Variants in AARS2 observed in about 807,000 individuals in gnomAD.
AARS2 encodes the protein alanyl-tRNA synthetase 2, mitochondrial, also known as alanine--tRNA ligase, mitochondrial.
In AARS2, 78 loss-of-function variants were observed where a neutral mutation model predicts 119.7. The observed-to-expected ratio is 0.65, with a 90% CI of 0.54 to 0.79. AARS2 has a LOEUF of 0.79. Ranked by LOEUF, AARS2 falls within the 30% of genes least tolerant of loss-of-function variation. The pLI is 0.00. For synonymous variants in AARS2, 502 were observed against 526.3 expected, an observed-to-expected ratio of 0.95 and a Z score of 0.63; for missense variants, 1,157 against 1,291.3, an observed-to-expected ratio of 0.90 and a Z score of 1.59.
chr6:44,310,532 G>A, intron 4 of AARS2, 89 bp from the exon 5 acceptor site: 2 of 1,535,172 alleles, frequency 1.3e-6, no homozygotes, highest in South Asian at 1.1e-5. Context: ...ATGGGGGGGG[G>A]CCCAAGGGAG....
At chr6:44,310,930 C>T in intron 4 of AARS2, 64 bp downstream of exon 4, 1 of 1,604,038 alleles carries the variant, frequency 6.2e-7, no homozygotes, top group African/African-American at 1.3e-5. Flanking sequence ...AGATCAAAGT[C>T]TTCTAATTGC....
rs895323869 is a variant in AARS2 at position 44,310,901 on chromosome 6, G to A, written c.749+93C>T. The A allele has an allele frequency of 2.0e-6, 3 of 1,524,394 alleles. No individual in the cohort carries two copies. The African/African-American group carries it at 4.1e-5, about 21-fold the overall frequency. The allele number at this position is 1,524,394 out of a possible 1,614,324, so 94.4% of individuals were successfully genotyped here. A position where few individuals can be genotyped will look rare whatever the true frequency, so the allele number is the denominator to read the frequency against. ...GACACACGGTAAGCACCGTTTACAT[G>A]TTTGTTTTTATATGAAACAGATCAA... On this transcript the variant is annotated intron_variant, in intron 4 of 21. Transcript: ENST00000244571.
rs1314138353 is a variant in AARS2, at chr6:44,300,900, T to C, written c.2794-189A>G. The C allele has an allele frequency of 7.8e-6, 6 of 770,314 alleles. No individual in the cohort carries two copies. The East Asian group carries it at 1.6e-4, about 21-fold the overall frequency. The allele number at this position is 770,314 out of a possible 1,614,324, so 47.7% of individuals were successfully genotyped here. A position where few individuals can be genotyped will look rare whatever the true frequency, so the allele number is the denominator to read the frequency against. On this transcript the variant is annotated intron_variant, in intron 21 of 21. Transcript: ENST00000244571. Reference sequence around the variant, plus strand: ...ATGTGTGTGGGGAGGTGTATGAACGTGAACATCTGCTACTTGTTTACAAGG... The same window carrying C: ...ATGTGTGTGGGGAGGTGTATGAACGCGAACATCTGCTACTTGTTTACAAGG...
chr6:44,300,286 TA>T lies in AARS2; in HGVS notation c.*260del. 1 of 549,702 alleles carries T rather than the reference TA, an allele frequency of 1.8e-6. No homozygotes were observed. The highest frequency in any genetic ancestry group is 3.3e-6 in the Non-Finnish European group (1 of 306,402). 34.1% of individuals were successfully genotyped at this position (549,702 alleles called of 1,614,324 possible). On this transcript the variant is annotated 3_prime_UTR_variant, in exon 22 of 22. Coordinates refer to ENST00000244571, the MANE Select transcript of AARS2 (RefSeq NM_020745.4). ...GAACCACCACACCCGGCCAGTGAAA[TA>T]ATTTCTAATGTGCAGTCACAGCCAT... is the stretch of plus-strand genomic sequence containing the variant.
chr6:44,308,784 TAG>T (rs1786093487), intron 5 of AARS2, among the ~76,000 whole-genome samples: 1 of 151,986 alleles, frequency 6.6e-6, no homozygotes, highest in South Asian at 2.1e-4. Context: ...ATTTTTTTAG[TAG>T]AGACAGGATT....
chr6:44,306,887 G>T (rs377113239), intron 7 of AARS2, 36 bp downstream of exon 7: 1 of 1,598,546 alleles, frequency 6.3e-7, no homozygotes, highest in African/African-American at 1.3e-5. Context: ...AAAGTGCCCA[G>T]GGAGGCCCAG....
chr6:44,302,443 C>A lies in AARS2; in HGVS notation c.2435G>T (p.Arg812Leu), dbSNP rs777864781. The stretch of plus-strand genomic sequence containing the variant: ...CAGCCTCAGTGCCTCCGCCACATCC[C>A]GGCTCCCCAGACTCAGCCGCTCAGT... ...AATERLSLGS[R>L]DVAEALRLSK... Residue 812 changes from arginine to leucine, a missense_variant, in exon 18 of 22, where the codon CGG becomes CTG. Physicochemically the swap from Arg to Leu is moderately radical, Grantham distance 102. Coordinates refer to ENST00000244571, the MANE Select transcript of AARS2 (RefSeq NM_020745.4). 4 of 1,614,070 alleles carry A rather than the reference C, an allele frequency of 2.5e-6. No individual in the cohort carries two copies. The South Asian group carries it at 3.3e-5, about 13-fold the overall frequency.
In AARS2 at chr6:44,313,102, A is replaced by C; in HGVS notation, c.222T>G (p.Phe74Leu). ...TCACCTGGTTCATGCCCGCATTGAC[A>C]AAAAGCAAACTGGGGTCGCCGCGGG... is the stretch of plus-strand genomic sequence containing the variant. Reference protein sequence around the residue: ...VRPRGDPSLLFVNAGMNQFKP... With the variant: ...VRPRGDPSLLLVNAGMNQFKP... The change falls in exon 1 of 22, where the codon TTT (phenylalanine) becomes TTG (leucine). Residue 74 changes from phenylalanine to leucine, a missense_variant. Physicochemically the swap from Phe to Leu is conservative, Grantham distance 22. Coordinates refer to ENST00000244571, the MANE Select transcript of AARS2 (RefSeq NM_020745.4). 1.9e-6 allele frequency: 3 copies of C among 1,613,596 alleles called. No individual in the cohort carries two copies. The South Asian group carries it at 3.3e-5, about 18-fold the overall frequency.
chr6:44,309,152 C>G (rs1020949293), intron 5 of AARS2, among the ~76,000 whole-genome samples: 1 of 152,228 alleles, frequency 6.6e-6, no homozygotes, highest in Admixed American at 6.5e-5. Flanking sequence ...CAACACTGTT[C>G]TGAGCCTATG....
Position 44,302,533 on chromosome 6 carries a change from G to A in AARS2, c.2365-20C>T. ...TCGGGCCTGCAGGGAGGGGACAGGA[G>A]GGTCAGGATTACATTCATCTCCCCA... On this transcript the variant is annotated intron_variant, in intron 17 of 21. Transcript: ENST00000244571. 6.2e-7 allele frequency: 1 copy of A among 1,613,874 alleles called. No individual in the cohort carries two copies. Among genetic ancestry groups the A allele is most frequent in the Non-Finnish European group, 8.5e-7 (1 of 1,180,010 alleles).
intron 16 of AARS2, 42 bp from the exon 17 acceptor site, chr6:44,302,952 T>C (rs1181566383): frequency 6.2e-7 from 1 of 1,605,508 alleles, no homozygotes; most frequent in Non-Finnish European, 8.5e-7. Flanking sequence ...GGCATGACAG[T>C]AGAGAAGGGA....
Position 44,299,412 on chromosome 6 carries a change from G to A in AARS2, c.*1135C>T, listed in dbSNP as rs1445280225. On this transcript the variant is annotated 3_prime_UTR_variant, in exon 22 of 22. Transcript: ENST00000244571. ...AGGTGTGGGTAGTCTCAGCTACCTG[G>A]GAGGCTGAGGCATAAAGATTACTTT... Among the ~76,000 whole-genome samples the A allele has an allele frequency of 6.6e-6, 1 of 151,886 alleles. No individual in the cohort carries two copies. The highest frequency in any genetic ancestry group is 1.5e-5 in the Non-Finnish European group (1 of 67,978).
At position 44,307,044 on chromosome 6, in the gene AARS2, A is replaced by G. The variant is rs1785918157; in HGVS notation, c.1041-13T>C. 1 of 1,613,852 alleles carries G rather than the reference A, an allele frequency of 6.2e-7. No homozygotes were observed. Among genetic ancestry groups the G allele is most frequent in the East Asian group, 2.2e-5 (1 of 44,876 alleles). On this transcript the variant is annotated splice_polypyrimidine_tract_variant and intron_variant, in intron 6 of 21. Transcript: ENST00000244571. This position sits in a 1 kb window ranked among gnomAD's most constrained non-coding sequence, Gnocchi z 4.4. ...ACGAAGAACCAGCCTAAAGGGGTTC[A>G]GAGCCCAGACATGAATCCCCAGCGG...
At chr6:44,304,950 G>A (rs1785705361) in intron 11 of AARS2, 104 bp downstream of exon 11, 2 of 1,608,076 alleles carry the variant, frequency 1.2e-6, no homozygotes, top group African/African-American at 2.7e-5. Context: ...ACCCCTGGTG[G>A]CCATCCTGGG....
At position 44,302,402 on chromosome 6, in the gene AARS2, G is replaced by C; in HGVS notation, c.2476C>G (p.Arg826Gly). The C allele has an allele frequency of 1.9e-6, 3 of 1,614,102 alleles. No homozygotes were observed. Among genetic ancestry groups the C allele is most frequent in the Non-Finnish European group, 2.5e-6 (3 of 1,180,012 alleles). The change falls in exon 18 of 22, where the codon CGA becomes GGA. Residue 826 changes from arginine (R) to glycine (G), a missense_variant. Transcript: ENST00000244571. ...EALRLSKDIG[R>G]LIEAVETAVM... is the part of the protein sequence containing the mutation. ...GGCGTGGCCCTCACTTCAATGAGTC[G>C]TCCTATGTCCTTGGACAGCCTCAGT...
At position 44,301,469 on chromosome 6, in the gene AARS2, G is replaced by A. The variant is rs762588238; in HGVS notation, c.2599-5C>T. ...CTCCTGAGTTTTCTTTGCAGCCTAT[G>A]GGGCAGGAAGGACAAGCAGAGGGGT... On this transcript the variant is annotated splice_polypyrimidine_tract_variant and splice_region_variant and intron_variant, in intron 19 of 21. Coordinates refer to ENST00000244571, the MANE Select transcript of AARS2 (RefSeq NM_020745.4). 1 of 1,611,586 alleles carries A rather than the reference G, an allele frequency of 6.2e-7. No homozygotes were observed. Among genetic ancestry groups the A allele is most frequent in the South Asian group, 1.1e-5 (1 of 91,020 alleles).
rs1209475497 is a variant in AARS2, at chr6:44,299,185, A to G, written c.*1362T>C. ...TCACATGTCACCTCTTGGTGAGGGA[A>G]TATCACCATCCACACTCCTGATCCC... On this transcript the variant is annotated 3_prime_UTR_variant, in exon 22 of 22. Transcript: ENST00000244571. Among the ~76,000 whole-genome samples, 1 of 152,034 alleles carries G rather than the reference A, an allele frequency of 6.6e-6. No homozygotes were observed. Among genetic ancestry groups the G allele is most frequent in the African/African-American group, 2.4e-5 (1 of 41,384 alleles).
chr6:44,302,037 G>C, intron 19 of AARS2, 23 bp downstream of exon 19: 1 of 1,611,476 alleles, frequency 6.2e-7, no homozygotes, highest in Non-Finnish European at 8.5e-7. Flanking sequence ...TGGGCACATG[G>C]GTGCAGCCAA....
intron 4 of AARS2, 51 bp from the exon 5 acceptor site, chr6:44,310,494 G>A: frequency 6.2e-7 from 1 of 1,607,040 alleles, no homozygotes; most frequent in Non-Finnish European, 8.5e-7. Context: ...TTACAGGTGT[G>A]AGACAGATGC....
Sources: gnomAD v4.1 joint callset for allele counts (sites outside exome capture counted in the v4.1 genomes callset) on GRCh38, gnomAD v4.1.1 for gene constraint, Gnocchi (gnomAD v3.1) non-coding constraint, MANE v1.5 for transcripts, NCBI Gene and HGNC (gene_info 2026-07-23, HGNC 2026-07-21) for gene names.